GAB1: variants seen among roughly 807,000 people sequenced by gnomAD.
GAB1 encodes the protein GRB2 associated binding protein 1, also known as GRB2-associated-binding protein 1.
In GAB1, 19 loss-of-function variants were observed where a neutral mutation model predicts 66.5. That is an observed-to-expected ratio of 0.29 (90% CI 0.20 to 0.42). The LOEUF is 0.42. GAB1 is among the 10% of genes least tolerant of loss of function. The probability of loss-of-function intolerance (pLI) is 1.00; values close to 1 mark genes in which losing one functional copy is unlikely to be tolerated. For synonymous variants in GAB1, 294 were observed against 301.4 expected, an observed-to-expected ratio of 0.98 and a Z score of 0.25; for missense variants, 732 against 858.5, an observed-to-expected ratio of 0.85 and a Z score of 1.84.
intron 1 of GAB1, among the ~76,000 whole-genome samples, chr4:143,391,949 T>C (rs1028863609): frequency 6.6e-6 from 1 of 152,218 alleles, no homozygotes; most frequent in Non-Finnish European, 1.5e-5. Flanking sequence ...TCTTGTGTTT[T>C]TAGCAACTGT....
intron 2 of GAB1, among the ~76,000 whole-genome samples, chr4:143,418,971 C>T (rs1392522582): frequency 1.3e-5 from 2 of 152,050 alleles, no homozygotes; most frequent in East Asian, 3.9e-4. Flanking sequence ...GCTTGGTATG[C>T]TTTTAGAAAA....
intron 3 of GAB1, among the ~76,000 whole-genome samples, chr4:143,435,179 C>T (rs191614090): frequency 2.0e-5 from 3 of 151,890 alleles, no homozygotes; most frequent in African/African-American, 4.8e-5. Flanking sequence ...TTAAGATTCA[C>T]GAAATAGTTT....
In GAB1 at chr4:143,472,840, A is replaced by G. The variant is rs1227572797; in HGVS notation, c.*3651A>G. ...GCATTCTATGGTAACAACTACTGTC[A>G]ATAACATCTGATGTTACATGCACAT... On this transcript the variant is annotated 3_prime_UTR_variant, in exon 10 of 10. Coordinates refer to ENST00000262994, the MANE Select transcript of GAB1 (RefSeq NM_002039.4). The G allele has an allele frequency of 1.3e-5, 2 of 152,208 alleles. No homozygotes were observed. The highest frequency in any genetic ancestry group is 2.4e-5 in the African/African-American group (1 of 41,460). The allele number at this position is 152,208 out of a possible 1,614,324, so 9.4% of individuals were successfully genotyped here.
At chr4:143,347,271 T>A (rs1002964219) in intron 1 of GAB1, among the ~76,000 whole-genome samples, 6 of 152,228 alleles carry the variant, frequency 3.9e-5, no homozygotes, top group African/African-American at 1.4e-4. Context: ...AATTCTCTTG[T>A]CCAATGTTTC....
rs1485033641 is a variant in GAB1 at position 143,438,349 on chromosome 4, A to T, written c.944A>T (p.Asn315Ile). 1 of 1,614,106 alleles carries T rather than the reference A, an allele frequency of 6.2e-7. No homozygotes were observed. Among genetic ancestry groups the T allele is most frequent in the East Asian group, 2.2e-5 (1 of 44,874 alleles). ...ISYDIPPTPGNTYQIPRTFPE... is the reference protein window; with the variant it reads ...ISYDIPPTPGITYQIPRTFPE... ...TATGACATTCCTCCAACACCTGGTA[A>T]TACTTATCAGATTCCACGAACATTT... Residue 315 changes from asparagine to isoleucine, a missense_variant, in exon 4 of 10, where the codon AAT (asparagine) becomes ATT (isoleucine). Physicochemically the swap from Asn to Ile is moderately radical, Grantham distance 149. Coordinates refer to ENST00000262994, the MANE Select transcript of GAB1 (RefSeq NM_002039.4).
In GAB1 at chr4:143,471,737, T is replaced by C. The variant is rs1736090850; in HGVS notation, c.*2548T>C. The C allele has an allele frequency of 6.6e-6, 1 of 152,186 alleles. No individual in the cohort carries two copies. The highest frequency in any genetic ancestry group is 2.4e-5 in the African/African-American group (1 of 41,468). 9.4% of individuals were successfully genotyped at this position (152,186 alleles called of 1,614,324 possible). ...TCTCAGGAAATTCTTTAATTAGAGA[T>C]AGCTAAAGTTATTCAAGGTCTATAC... is the stretch of plus-strand genomic sequence containing the variant. On this transcript the variant is annotated 3_prime_UTR_variant, in exon 10 of 10. Transcript: ENST00000262994.
chr4:143,377,444 T>C (rs1730467821), intron 1 of GAB1, among the ~76,000 whole-genome samples: 1 of 152,238 alleles, frequency 6.6e-6, no homozygotes, highest in South Asian at 2.1e-4. Flanking sequence ...TTGAAATTTA[T>C]AACTGAAAAT....
chr4:143,457,540 C>A (rs1338864241), intron 6 of GAB1: 2 of 502,206 alleles, frequency 4.0e-6, no homozygotes, highest in Non-Finnish European at 6.8e-6. Flanking sequence ...ATATTCTCCA[C>A]AACAAACTTT....
chr4:143,410,694 T>G (rs545098437), intron 1 of GAB1, among the ~76,000 whole-genome samples: 2 of 152,368 alleles, frequency 1.3e-5, no homozygotes, highest in East Asian at 3.9e-4. Flanking sequence ...CAAATTAATT[T>G]GTTTACACAC....
intron 8 of GAB1, among the ~76,000 whole-genome samples, chr4:143,465,430 C>T (rs1406819503): frequency 6.6e-6 from 1 of 152,266 alleles, no homozygotes; most frequent in African/African-American, 2.4e-5. Context: ...AATCTTAGCA[C>T]TATTTTTGTC....
At chr4:143,450,578 C>G (rs1335541444) in intron 6 of GAB1, among the ~76,000 whole-genome samples, 2 of 152,136 alleles carry the variant, frequency 1.3e-5, no homozygotes, top group African/African-American at 4.8e-5. Flanking sequence ...TTTAGTTCTT[C>G]CCTTTTTCCA....
At chr4:143,366,929 C>T (rs1422914676) in intron 1 of GAB1, among the ~76,000 whole-genome samples, 1 of 151,956 alleles carries the variant, frequency 6.6e-6, no homozygotes, top group Non-Finnish European at 1.5e-5. Flanking sequence ...TGGTTGGGTG[C>T]CATTCCTTCT....
At chr4:143,425,970 A>G in intron 2 of GAB1, 1 of 735,416 alleles carries the variant, frequency 1.4e-6, no homozygotes, top group South Asian at 1.6e-5. Context: ...TGGAAAATAA[A>G]CATCAGTATC....
At position 143,415,791 on chromosome 4, in the gene GAB1, A is replaced by G. The variant is rs1034562372; in HGVS notation, c.367+20A>G. On this transcript the variant is annotated intron_variant, in intron 2 of 9. Coordinates refer to ENST00000262994, the MANE Select transcript of GAB1 (RefSeq NM_002039.4). ...AAGAAGGTAAGTTCAAGATATTACT[A>G]TTCAACTTGAATTCTTCTTTTCTGC... 1.3e-6 allele frequency: 2 copies of G among 1,521,262 alleles called. No individual in the cohort carries two copies. Among genetic ancestry groups the G allele is most frequent in the African/African-American group, 1.4e-5 (1 of 71,798 alleles). 94.2% of individuals were successfully genotyped at this position (1,521,262 alleles called of 1,614,324 possible). A position where few individuals can be genotyped will look rare whatever the true frequency, so the allele number is the denominator to read the frequency against.
chr4:143,412,241 T>C lies in GAB1; in HGVS notation c.73-3236T>C, dbSNP rs1235185735. Among the ~76,000 whole-genome samples the C allele has an allele frequency of 2.6e-5, 4 of 152,304 alleles. No individual in the cohort carries two copies. The East Asian group carries it at 7.7e-4, about 29-fold the overall frequency. Reference sequence around the variant, plus strand: ...AGCTGTAGCAAAAGGACATGTTCTGTGCTTTTCTGTTTTTGCCATTTTCCC... The same window carrying C: ...AGCTGTAGCAAAAGGACATGTTCTGCGCTTTTCTGTTTTTGCCATTTTCCC... On this transcript the variant is annotated intron_variant, in intron 1 of 9. Coordinates refer to ENST00000262994, the MANE Select transcript of GAB1 (RefSeq NM_002039.4).
At chr4:143,374,634 A>G (rs1730334745) in intron 1 of GAB1, among the ~76,000 whole-genome samples, 1 of 152,222 alleles carries the variant, frequency 6.6e-6, no homozygotes, top group Non-Finnish European at 1.5e-5. Flanking sequence ...TGTGGCTATC[A>G]CAGGGTTCAC....
intron 2 of GAB1, chr4:143,426,087 A>G (rs1733339940): frequency 1.7e-5 from 9 of 522,018 alleles, no homozygotes; most frequent in South Asian, 2.7e-5. Flanking sequence ...TACATGGAGT[A>G]TAGTAAAGAT....
At chr4:143,417,035 G>C (rs182413601) in intron 2 of GAB1, among the ~76,000 whole-genome samples, 1 of 152,168 alleles carries the variant, frequency 6.6e-6, no homozygotes, top group Non-Finnish European at 1.5e-5. Context: ...CTTAGCACAG[G>C]TCCTACAAGG....
At chr4:143,435,667 A>G (rs1291652582) in intron 3 of GAB1, among the ~76,000 whole-genome samples, 3 of 152,230 alleles carry the variant, frequency 2.0e-5, no homozygotes, top group Admixed American at 6.5e-5. Flanking sequence ...GCTAGGTGCT[A>G]TGAAGGTACA....
Sources: gnomAD v4.1 joint callset for allele counts (sites outside exome capture counted in the v4.1 genomes callset) on GRCh38, gnomAD v4.1.1 for gene constraint, MANE v1.5 for transcripts, NCBI Gene and HGNC (gene_info 2026-07-23, HGNC 2026-07-21) for gene names.